Variants in SDC2 observed in about 807,000 individuals in gnomAD.
SDC2 encodes the protein syndecan 2.
Under a neutral mutation model 22.2 loss-of-function variants are expected in SDC2, and 13 were observed. The observed-to-expected ratio is 0.59, with a 90% CI of 0.38 to 0.93. The LOEUF is 0.93. Ranked by LOEUF, SDC2 falls within the 40% of genes least tolerant of loss-of-function variation. SDC2 has a pLI of 0.00. For synonymous variants in SDC2, 94 were observed against 92.8 expected (o/e 1.01, Z -0.07); for missense variants, 235 against 246.8 (o/e 0.95, Z 0.32).
chr8:96,573,954 C>G (rs561458211), intron 1 of SDC2, among the ~76,000 whole-genome samples: 3 of 152,110 alleles, frequency 2.0e-5, no homozygotes, highest in African/African-American at 7.2e-5. Context: ...CCTCTCTTTT[C>G]TCATCCTGTC....
chr8:96,576,379 G>GTTTTTTTTTTTTT (rs1365620450), intron 1 of SDC2, among the ~76,000 whole-genome samples: 34 of 47,560 alleles, frequency 7.1e-4, no homozygotes, highest in Non-Finnish European at 1.1e-3. Context: ...TTTTTGTTTT[G>GTTTTTTTTTTTTT]TTTTGTTTTT....
chr8:96,602,317 G>A (rs1041650555), intron 2 of SDC2, 78 bp from the exon 3 acceptor site: 43 of 1,403,808 alleles, frequency 3.1e-5, no homozygotes, highest in Admixed American at 1.7e-4. Context: ...CAGTGTCAAC[G>A]TCAGGCAATA....
At chr8:96,496,629 C>T (rs952083852) in intron 1 of SDC2, among the ~76,000 whole-genome samples, 1 of 152,148 alleles carries the variant, frequency 6.6e-6, no homozygotes, top group Non-Finnish European at 1.5e-5. Flanking sequence ...AATATTATTT[C>T]CAGGACTTTG....
chr8:96,551,734 A>T (rs765650549), intron 1 of SDC2, among the ~76,000 whole-genome samples: 2 of 152,160 alleles, frequency 1.3e-5, no homozygotes, highest in Non-Finnish European at 2.9e-5. Flanking sequence ...CAAGAAAGAG[A>T]TCTTACTCAG....
chr8:96,583,250 C>G (rs925167666), intron 1 of SDC2, among the ~76,000 whole-genome samples: 3 of 131,536 alleles, frequency 2.3e-5, no homozygotes, highest in Admixed American at 7.5e-5. Context: ...CTGCACCCAG[C>G]TCATGACACT....
intron 1 of SDC2, among the ~76,000 whole-genome samples, chr8:96,573,434 T>C (rs1489399066): frequency 1.1e-5 from 1 of 92,338 alleles, no homozygotes; most frequent in African/African-American, 3.9e-5. Flanking sequence ...GTTCCACCGT[T>C]GCAAAATGGG....
At chr8:96,591,338 G>C (rs1814777846) in intron 1 of SDC2, among the ~76,000 whole-genome samples, 1 of 152,162 alleles carries the variant, frequency 6.6e-6, no homozygotes, top group East Asian at 1.9e-4. Flanking sequence ...AGCTATAGGA[G>C]GTTTGGGGCA....
chr8:96,518,384 A>G (rs1813440721), intron 1 of SDC2, among the ~76,000 whole-genome samples: 1 of 142,590 alleles, frequency 7.0e-6, no homozygotes, highest in South Asian at 2.2e-4. Context: ...TTTTTGAGAC[A>G]GAGTCTCTCT....
rs559934033 is a variant in SDC2, at chr8:96,599,779, A to G, written c.173-2616A>G. Among the ~76,000 whole-genome samples the G allele has an allele frequency of 3.3e-5, 5 of 152,208 alleles. No individual in the cohort carries two copies. The South Asian group carries it at 6.2e-4, about 19-fold the overall frequency. ...TGTATTTATTCCAACATGCCCTGCC[A>G]TTTCTTCTGTATAATAATGAATATA... On this transcript the variant is annotated intron_variant, in intron 2 of 4. Transcript: ENST00000302190.
In SDC2 at chr8:96,528,277, T is replaced by A. The variant is rs190856354; in HGVS notation, c.60+33946T>A. Among the ~76,000 whole-genome samples, 140 of 152,288 alleles carry A rather than the reference T, an allele frequency of 9.2e-4. 1 individual carries two copies. The highest frequency in any genetic ancestry group is 3.2e-3 in the African/African-American group (132 of 41,584). ...GATCTCTGAGAAAGAGGATTTTTTT[T>A]AAGCCTAAAAGCCAAAAACTCTAAG... is the stretch of plus-strand genomic sequence containing the variant. On this transcript the variant is annotated intron_variant, in intron 1 of 4. Coordinates refer to ENST00000302190, the MANE Select transcript of SDC2 (RefSeq NM_002998.4).
At chr8:96,518,117 A>G (rs1197916861) in intron 1 of SDC2, among the ~76,000 whole-genome samples, 1 of 152,100 alleles carries the variant, frequency 6.6e-6, no homozygotes, top group Non-Finnish European at 1.5e-5. Context: ...GGTCTTGGCT[A>G]AGATACTTAA....
chr8:96,520,770 A>G (rs1296980478), intron 1 of SDC2, among the ~76,000 whole-genome samples: 1 of 152,226 alleles, frequency 6.6e-6, no homozygotes, highest in Non-Finnish European at 1.5e-5. Flanking sequence ...GCTGCAACTC[A>G]GCAGCTGCTG....
At chr8:96,509,965 C>T (rs1366130003) in intron 1 of SDC2, among the ~76,000 whole-genome samples, 5 of 152,156 alleles carry the variant, frequency 3.3e-5, no homozygotes, top group African/African-American at 4.8e-5. Context: ...TGGAAACATT[C>T]GAGAGGTCTT....
At chr8:96,525,943 C>A (rs1459290611) in intron 1 of SDC2, among the ~76,000 whole-genome samples, 2 of 152,108 alleles carry the variant, frequency 1.3e-5, no homozygotes, top group African/African-American at 2.4e-5. Context: ...CGCACAGGAA[C>A]CTTGTGGGGT....
chr8:96,534,141 C>A (rs1011329648), intron 1 of SDC2, among the ~76,000 whole-genome samples: 1 of 152,206 alleles, frequency 6.6e-6, no homozygotes, highest in African/African-American at 2.4e-5. Context: ...CTGGAACTCA[C>A]TCTGACCTGC....
chr8:96,583,847 A>G (rs1478673552), intron 1 of SDC2, among the ~76,000 whole-genome samples: 1 of 152,138 alleles, frequency 6.6e-6, no homozygotes, highest in Non-Finnish European at 1.5e-5. Flanking sequence ...TTTAATGGCT[A>G]TGTTGAGAAA....
chr8:96,605,836 C>T (rs760176048), intron 3 of SDC2, among the ~76,000 whole-genome samples: 7 of 152,166 alleles, frequency 4.6e-5, no homozygotes, highest in Non-Finnish European at 1.0e-4. Context: ...AGCTTATGGT[C>T]CTTCCTAGCA....
chr8:96,570,585 G>C (rs1441781914), intron 1 of SDC2, among the ~76,000 whole-genome samples: 1 of 152,118 alleles, frequency 6.6e-6, no homozygotes, highest in Admixed American at 6.6e-5. Context: ...CAATGAAAGA[G>C]ACCTGTGCAT....
chr8:96,606,839 A>G (rs1480240063), intron 3 of SDC2, among the ~76,000 whole-genome samples: 1 of 152,152 alleles, frequency 6.6e-6, no homozygotes, highest in Non-Finnish European at 1.5e-5. Context: ...GGACAAACAG[A>G]TAGTAAAAGA....
Sources: allele counts gnomAD v4.1 joint callset (sites outside exome capture counted in the v4.1 genomes callset), GRCh38; gene constraint gnomAD v4.1.1; transcripts MANE v1.5; gene names NCBI Gene and HGNC (gene_info 2026-07-23, HGNC 2026-07-21).